The following AHI1 variants were observed in gnomAD, a reference collection of about 807,000 sequenced individuals.
AHI1 encodes the protein Abelson helper integration site 1, also known as jouberin.
Under a neutral mutation model 149.3 loss-of-function variants are expected in AHI1, and 123 were observed. The ratio of observed to expected loss-of-function variants is 0.82; its 90% CI spans 0.71 to 0.96. The LOEUF is 0.96. AHI1 is among the 40% of genes least tolerant of loss of function. The pLI is 0.00. For synonymous variants in AHI1, 475 were observed against 459.8 expected (o/e 1.03, Z -0.42); for missense variants, 1,439 against 1,422.7 (o/e 1.01, Z -0.18).
chr6:135,284,774 G>T lies in AHI1; in HGVS notation c.*871C>A, dbSNP rs1237065355. 6.6e-6 allele frequency: 1 copy of T among 152,156 alleles called. No homozygotes were observed. Among genetic ancestry groups the T allele is most frequent in the East Asian group, 1.9e-4 (1 of 5,204 alleles). 9.4% of individuals were successfully genotyped at this position (152,156 alleles called of 1,614,324 possible). ...TTTAGGTCTATGAAGTTACCTATAT[G>T]ATTTGATCTTAAGAAACACAAAATT... On this transcript the variant is annotated 3_prime_UTR_variant, in exon 29 of 29. Transcript: ENST00000265602.
At chr6:135,475,478 G>A (rs1036120947) in intron 5 of AHI1, among the ~76,000 whole-genome samples, 6 of 152,188 alleles carry the variant, frequency 3.9e-5, no homozygotes, top group Admixed American at 6.5e-5. Flanking sequence ...TTGCCAGAAA[G>A]CTTATGTTAG....
chr6:135,431,213 T>C lies in AHI1; in HGVS notation c.2368A>G (p.Asn790Asp). ...TATAAAATATGATTTTATACCTTAT[T>C]TATAGTCCAGTGGTGCACTGAATGT... ...LEHSVHHWTI[N>D]KEIKETEFKG... Residue 790 changes from asparagine to aspartate, a missense_variant, in exon 17 of 29, where the codon AAT becomes GAT. Physicochemically the swap from Asn to Asp is conservative, Grantham distance 23. Transcript: ENST00000265602. The C allele has an allele frequency of 6.4e-7, 1 of 1,573,002 alleles. No homozygotes were observed. Among genetic ancestry groups the C allele is most frequent in the African/African-American group, 1.4e-5 (1 of 73,922 alleles).
chr6:135,370,727 A>T (rs1207889716), intron 23 of AHI1, among the ~76,000 whole-genome samples: 1 of 152,216 alleles, frequency 6.6e-6, no homozygotes, highest in Non-Finnish European at 1.5e-5. Flanking sequence ...TAATATGGTA[A>T]GAGTGATGAT....
intron 27 of AHI1, among the ~76,000 whole-genome samples, chr6:135,299,466 C>T (rs1297023425): frequency 6.6e-5 from 10 of 152,192 alleles, no homozygotes; most frequent in East Asian, 3.9e-4. Flanking sequence ...CAGCAATGTA[C>T]GTGGGGGTGG....
At position 135,465,825 on chromosome 6, in the gene AHI1, T is replaced by G; in HGVS notation, c.738A>C (p.Lys246Asn). The part of the protein sequence containing the change: ...KKKKEVPVFS[K>N]AETSTLTISG... The stretch of plus-strand genomic sequence containing the variant: ...CAATGCAAAAATACCTTGTTTCAGC[T>G]TTAGAGAAGACTGGAACTTCCTTTT... Residue 246 changes from lysine to asparagine, a missense_variant, in exon 7 of 29, where the codon AAA becomes AAC. Lys to Asn is a moderately conservative substitution (Grantham distance 94). Coordinates refer to ENST00000265602, the MANE Select transcript of AHI1 (RefSeq NM_001134831.2). 8 of 1,472,094 alleles carry G rather than the reference T, an allele frequency of 5.4e-6. No individual in the cohort carries two copies. The highest frequency in any genetic ancestry group is 7.2e-6 in the Non-Finnish European group (8 of 1,115,564). The allele number at this position is 1,472,094 out of a possible 1,614,324, so 91.2% of individuals were successfully genotyped here.
chr6:135,487,500 T>C (rs1794650412), intron 5 of AHI1, among the ~76,000 whole-genome samples: 1 of 152,176 alleles, frequency 6.6e-6, no homozygotes, highest in Non-Finnish European at 1.5e-5. Flanking sequence ...TCAAAGTTCA[T>C]CCAATGGTAT....
chr6:135,430,030 G>T, intron 17 of AHI1, 30 bp from the exon 18 acceptor site: 1 of 1,287,294 alleles, frequency 7.8e-7, no homozygotes, highest in Non-Finnish European at 1.1e-6. Flanking sequence ...TACTACTACT[G>T]AAAAGTTTGT....
intron 27 of AHI1, among the ~76,000 whole-genome samples, chr6:135,291,201 G>A (rs1358699450): frequency 6.6e-6 from 1 of 152,078 alleles, no homozygotes; most frequent in Non-Finnish European, 1.5e-5. Flanking sequence ...GTCTAGGAAT[G>A]GTGAGAAACA....
intron 26 of AHI1, among the ~76,000 whole-genome samples, chr6:135,316,848 A>G (rs921923290): frequency 6.6e-6 from 1 of 152,158 alleles, no homozygotes; most frequent in Non-Finnish European, 1.5e-5. Flanking sequence ...TCTATCTGGG[A>G]GCACTACAGA....
At chr6:135,372,559 T>C (rs1372791604) in intron 23 of AHI1, among the ~76,000 whole-genome samples, 1 of 150,380 alleles carries the variant, frequency 6.6e-6, no homozygotes, top group Non-Finnish European at 1.5e-5. Context: ...GATGTGGGTG[T>C]GCATGTGTAG....
intron 25 of AHI1, among the ~76,000 whole-genome samples, chr6:135,319,681 G>T (rs1786513617): frequency 6.6e-6 from 1 of 152,110 alleles, no homozygotes; most frequent in Non-Finnish European, 1.5e-5. Context: ...ATATATTTTG[G>T]TTAAGAACAT....
intron 26 of AHI1, chr6:135,301,243 C>A (rs1783844883): frequency 3.0e-6 from 3 of 984,168 alleles, no homozygotes; most frequent in Non-Finnish European, 3.6e-6. Context: ...TAGAGATAAT[C>A]ACGTTATGGA....
chr6:135,302,631 C>T (rs1051800120), intron 26 of AHI1: 2 of 1,147,286 alleles, frequency 1.7e-6, no homozygotes, highest in East Asian at 6.6e-5. Context: ...AGGGGGTCCA[C>T]ATTACAAAGT....
At chr6:135,459,066 C>T (rs1430898073) in intron 8 of AHI1, among the ~76,000 whole-genome samples, 5 of 152,260 alleles carry the variant, frequency 3.3e-5, no homozygotes, top group Admixed American at 3.3e-4. Flanking sequence ...TAGGACACTG[C>T]ACTCAACATT....
chr6:135,422,561 T>C (rs1047457496), intron 20 of AHI1, among the ~76,000 whole-genome samples: 5 of 152,058 alleles, frequency 3.3e-5, no homozygotes, highest in Admixed American at 6.6e-5. Context: ...TTTTAAACTA[T>C]ATTGAGAACA....
rs370406420 is a variant in AHI1 at position 135,370,325 on chromosome 6, TA to T, written c.3110-12139del. Among the ~76,000 whole-genome samples, 140 of 152,362 alleles carry T rather than the reference TA, an allele frequency of 9.2e-4. 2 individuals carry two copies. The highest frequency in any genetic ancestry group is 3.0e-3 in the African/African-American group (124 of 41,580). On this transcript the variant is annotated intron_variant, in intron 23 of 28. Transcript: ENST00000265602. The stretch of plus-strand genomic sequence containing the variant: ...TTCCTTCTAGGGGGACTTTGGGATT[TA>T]AACTTCTAGAGATTATGGGAACTCT...
At chr6:135,356,889 C>T (rs1422781311) in intron 24 of AHI1, among the ~76,000 whole-genome samples, 2 of 152,136 alleles carry the variant, frequency 1.3e-5, no homozygotes, top group Non-Finnish European at 2.9e-5. Context: ...AGTCAATTTG[C>T]TACTGAGGCA....
chr6:135,290,965 G>A (rs1016526421), intron 27 of AHI1, among the ~76,000 whole-genome samples: 7 of 149,004 alleles, frequency 4.7e-5, no homozygotes, highest in Non-Finnish European at 1.0e-4. Context: ...ATTCATTCAT[G>A]ACAAGAAAAG....
chr6:135,417,173 T>C (rs184487169), intron 20 of AHI1, among the ~76,000 whole-genome samples: 2 of 152,200 alleles, frequency 1.3e-5, no homozygotes, highest in East Asian at 3.9e-4. Context: ...CTTTGTCTTA[T>C]TTGCTTTTTA....
Sources: gnomAD v4.1 joint callset for allele counts (sites outside exome capture counted in the v4.1 genomes callset) on GRCh38, gnomAD v4.1.1 for gene constraint, MANE v1.5 for transcripts, NCBI Gene and HGNC (gene_info 2026-07-23, HGNC 2026-07-21) for gene names.